The following LRP5 variants were observed in gnomAD, a reference collection of about 807,000 sequenced individuals.
The protein encoded by LRP5 is LDL receptor related protein 5.
LRP5 carries 62 observed loss-of-function variants against 154.1 expected under a neutral mutation model. The observed-to-expected ratio is 0.40, with a 90% CI of 0.33 to 0.50. The LOEUF is 0.50. LRP5 is among the 20% of genes least tolerant of loss of function. The probability of loss-of-function intolerance (pLI) is 0.55; values close to 1 mark genes in which losing one functional copy is unlikely to be tolerated. For synonymous variants in LRP5, 966 were observed against 1,011.5 expected (o/e 0.96, Z 0.85); for missense variants, 1,915 against 2,336.7 (o/e 0.82, Z 3.72).
At chr11:68,417,479 T>TTG (rs2098663232) in intron 13 of LRP5, among the ~76,000 whole-genome samples, 1 of 144,176 alleles carries the variant, frequency 6.9e-6, no homozygotes, top group Non-Finnish European at 1.5e-5. Context: ...TTTTTTTTTT[T>TTG]GAGATGGAGT....
At chr11:68,395,802 T>A (rs1302119116) in intron 7 of LRP5, among the ~76,000 whole-genome samples, 2 of 152,126 alleles carry the variant, frequency 1.3e-5, no homozygotes, top group African/African-American at 4.8e-5. Flanking sequence ...CCCGTGGAGA[T>A]GCTGGCTCTG....
At chr11:68,336,012 G>C (rs1051710185) in intron 1 of LRP5, among the ~76,000 whole-genome samples, 1 of 152,144 alleles carries the variant, frequency 6.6e-6, no homozygotes, top group African/African-American at 2.4e-5. Context: ...CTGGGAAGAG[G>C]GAAGACTGTA....
At chr11:68,409,662 C>T (rs2098658292) in intron 9 of LRP5, among the ~76,000 whole-genome samples, 1 of 151,984 alleles carries the variant, frequency 6.6e-6, no homozygotes, top group Admixed American at 6.6e-5. Context: ...GCCTTGCCAG[C>T]TTGGTGAAAC....
intron 1 of LRP5, among the ~76,000 whole-genome samples, chr11:68,328,702 G>GT (rs1187175203): frequency 1.3e-5 from 2 of 152,242 alleles, no homozygotes; most frequent in African/African-American, 2.4e-5. Flanking sequence ...GGATCCGTGC[G>GT]TTTGCTGTGT....
chr11:68,318,770 G>T (rs1218844663), intron 1 of LRP5, among the ~76,000 whole-genome samples: 10 of 152,222 alleles, frequency 6.6e-5, no homozygotes, highest in Non-Finnish European at 1.2e-4. Context: ...GAAGGTGCCT[G>T]GTGGGGGCGG....
At position 68,363,858 on chromosome 11, in the gene LRP5, C is replaced by T; in HGVS notation, c.798C>T (p.Arg266=). 6 of 1,613,174 alleles carry T rather than the reference C, an allele frequency of 3.7e-6. No individual in the cohort carries two copies. Among genetic ancestry groups the T allele is most frequent in the Non-Finnish European group, 4.2e-6 (5 of 1,179,888 alleles). Residue 266 remains arginine (R), a synonymous_variant, in exon 4 of 23, where the codon CGC becomes CGT. Coordinates refer to ENST00000294304, the MANE Select transcript of LRP5 (RefSeq NM_002335.4). ...QTRSIHACNK[R]TGGKRKEILS... is the part of the protein sequence containing the mutation. ...GCTCCATCCATGCCTGCAACAAGCGCACTGGGGGGAAGAGGAAGGAGATCC... is the reference window on the plus strand; with the variant it reads ...GCTCCATCCATGCCTGCAACAAGCGTACTGGGGGGAAGAGGAAGGAGATCC...
chr11:68,330,151 G>A (rs902782026), intron 1 of LRP5, among the ~76,000 whole-genome samples: 1 of 152,170 alleles, frequency 6.6e-6, no homozygotes, highest in Non-Finnish European at 1.5e-5. Flanking sequence ...GCGTGTGTTT[G>A]TGAGAGAGAT....
At chr11:68,348,430 G>A (rs2508840) in intron 2 of LRP5, among the ~76,000 whole-genome samples, 187 bp downstream of exon 2, 1 of 131,076 alleles carries the variant, frequency 7.6e-6, no homozygotes, top group African/African-American at 2.6e-5. Flanking sequence ...ACCCGTGGGG[G>A]TGTTGGCTCA....
chr11:68,416,573 T>C (rs1429548676), intron 13 of LRP5, 46 bp downstream of exon 13: 14 of 1,584,192 alleles, frequency 8.8e-6, no homozygotes, highest in African/African-American at 2.7e-5. Flanking sequence ...CCCAAGGCGC[T>C]CCTCTTGCTG....
At chr11:68,309,667 G>A (rs1246882417), upstream of LRP5, among the ~76,000 whole-genome samples, 2 of 144,042 alleles carry the variant, frequency 1.4e-5, no homozygotes, top group Non-Finnish European at 3.0e-5. Flanking sequence ...TAGTTTTTCT[G>A]TATCCCTTCC....
chr11:68,425,414 T>A, intron 15 of LRP5, 122 bp downstream of exon 15: 1 of 1,038,836 alleles, frequency 9.6e-7, no homozygotes, highest in Non-Finnish European at 1.4e-6. Flanking sequence ...GCTTTGTGTG[T>A]AGCGTGTTTT....
intron 16 of LRP5, among the ~76,000 whole-genome samples, chr11:68,426,794 C>T (rs185330938): frequency 6.6e-6 from 1 of 152,344 alleles, no homozygotes; most frequent in African/African-American, 2.4e-5. Context: ...GTTCTCTGCT[C>T]AGGGTCTCAC....
At chr11:68,347,261 C>T (rs543466052) in intron 1 of LRP5, among the ~76,000 whole-genome samples, 2 of 152,290 alleles carry the variant, frequency 1.3e-5, no homozygotes, top group South Asian at 4.1e-4. Context: ...GTGGGAGAAA[C>T]ATGGAATACA....
chr11:68,421,222 G>A (rs369128335), intron 13 of LRP5, among the ~76,000 whole-genome samples: 17 of 151,900 alleles, frequency 1.1e-4, no homozygotes, highest in African/African-American at 2.2e-4. Flanking sequence ...GCAAGACTCC[G>A]TCTCACGCAA....
At chr11:68,330,627 G>A (rs759254760) in intron 1 of LRP5, among the ~76,000 whole-genome samples, 19 of 152,264 alleles carry the variant, frequency 1.2e-4, no homozygotes, top group Non-Finnish European at 2.4e-4. Context: ...GCATGAAGCC[G>A]TATCACAGAG....
intron 1 of LRP5, among the ~76,000 whole-genome samples, chr11:68,328,731 T>C (rs2098601108): frequency 6.6e-6 from 1 of 152,260 alleles, no homozygotes; most frequent in African/African-American, 2.4e-5. Flanking sequence ...AGTAAATGCT[T>C]CCATCTGCGT....
At chr11:68,302,569 G>A in the LRP5 span, among the ~76,000 whole-genome samples, 7 of 152,092 alleles carry the variant, frequency 4.6e-5, no homozygotes, top group Admixed American at 6.5e-5. Flanking sequence ...CAGGATGGTC[G>A]GTTGCCCTAG....
At position 68,448,790 on chromosome 11, in the gene LRP5, C is replaced by CTG. The variant is rs777058917; in HGVS notation, c.4587-11_4587-10dup. The CTG allele has an allele frequency of 6.2e-7, 1 of 1,602,096 alleles. No homozygotes were observed. The highest frequency in any genetic ancestry group is 1.7e-5 in the Admixed American group (1 of 60,030). On this transcript the variant is annotated intron_variant, in intron 22 of 22. Transcript: ENST00000294304. ...GATGTGCCTACCGAATCCCACTCCT[C>CTG]TGTGTGTGTCCCTTTCAGGCCCTAC...
At chr11:68,428,509 C>A (rs965705334) in intron 16 of LRP5, among the ~76,000 whole-genome samples, 3 of 152,036 alleles carry the variant, frequency 2.0e-5, no homozygotes, top group African/African-American at 7.2e-5. Context: ...TGCCAGCGTT[C>A]CACACTTGTG....
Sources: gnomAD v4.1 joint callset for allele counts (sites outside exome capture counted in the v4.1 genomes callset) on GRCh38, gnomAD v4.1.1 for gene constraint, MANE v1.5 for transcripts, NCBI Gene and HGNC (gene_info 2026-07-23, HGNC 2026-07-21) for gene names.